The following DCC variants were observed in gnomAD, a reference collection of about 807,000 sequenced individuals.
DCC encodes the protein netrin receptor DCC.
In DCC, 58 loss-of-function variants were observed where a neutral mutation model predicts 172.5. That is an observed-to-expected ratio of 0.34 (90% CI 0.27 to 0.42). The LOEUF is 0.42. Among genes scored for constraint, DCC ranks in the 10% least tolerant of loss-of-function variants. The pLI is 1.00. For synonymous variants in DCC, 709 were observed against 644.5 expected, an observed-to-expected ratio of 1.10 and a Z score of -1.52; for missense variants, 1,740 against 1,791.0, an observed-to-expected ratio of 0.97 and a Z score of 0.51.
chr18:53,279,314 G>A (rs1312945100), intron 12 of DCC, among the ~76,000 whole-genome samples: 1 of 151,738 alleles, frequency 6.6e-6, no homozygotes, highest in East Asian at 1.9e-4. Context: ...ATACTATGCA[G>A]CCATAAAAAA....
intron 2 of DCC, among the ~76,000 whole-genome samples, chr18:52,843,285 T>C (rs1262051049): frequency 6.6e-6 from 1 of 152,140 alleles, no homozygotes; most frequent in Non-Finnish European, 1.5e-5. Context: ...GCTTTAAGGG[T>C]ATATGAATAA....
At chr18:52,908,003 T>C (rs1234075559) in intron 3 of DCC, among the ~76,000 whole-genome samples, 2 of 152,326 alleles carry the variant, frequency 1.3e-5, no homozygotes, top group Non-Finnish European at 1.5e-5. Context: ...TAATGCCTAC[T>C]TTCTCTTTTA....
intron 26 of DCC, among the ~76,000 whole-genome samples, chr18:53,498,613 TAGGCACTCAC>T (rs1366432470): frequency 6.7e-6 from 1 of 149,206 alleles, no homozygotes; most frequent in Non-Finnish European, 1.5e-5. Flanking sequence ...CAAATGCCCA[TAGGCACTCAC>T]AGTAACCGTG....
In DCC at chr18:53,158,988, C is replaced by CAAAAAAAAAAAAAAAAAAAAA. The variant is rs558049091; in HGVS notation, c.1418+1493_1418+1494insAAAAAAAAAAAAAAAAAAAAA. 3.2e-4 allele frequency among the ~76,000 whole-genome samples: 17 copies of CAAAAAAAAAAAAAAAAAAAAA among 52,364 alleles called. 1 individual carries two copies. The highest frequency in any genetic ancestry group is 1.3e-3 in the South Asian group (1 of 780). The allele number at this position is 52,364 out of a possible 152,430, so 34.4% of individuals were successfully genotyped here. ...AGCCTGGGCAACAGAGACGCCATCT[C>CAAAAAAAAAAAAAAAAAAAAA]AAAAAAAAAAAAAAAAAGAAGAAGA... On this transcript the variant is annotated intron_variant, in intron 8 of 28. Transcript: ENST00000442544.
chr18:53,131,451 T>C (rs1315567659), intron 7 of DCC, among the ~76,000 whole-genome samples: 1 of 152,100 alleles, frequency 6.6e-6, no homozygotes, highest in Non-Finnish European at 1.5e-5. Flanking sequence ...ATTAAGCATA[T>C]TGGAAACAAG....
rs188207829 is a variant in DCC at position 52,537,665 on chromosome 18, C to T, written c.91+196787C>T. On this transcript the variant is annotated intron_variant, in intron 1 of 28. Coordinates refer to ENST00000442544, the MANE Select transcript of DCC (RefSeq NM_005215.4). ...AAGCAGAAAAAAAAGAAAACAATGA[C>T]GACGAATGAAAGGAAATAACACAAA... Among the ~76,000 whole-genome samples the T allele has an allele frequency of 5.9e-5, 9 of 152,122 alleles. No individual in the cohort carries two copies. The South Asian group carries it at 8.3e-4, about 14-fold the overall frequency.
intron 1 of DCC, among the ~76,000 whole-genome samples, chr18:52,613,917 G>A (rs1418981340): frequency 6.6e-6 from 1 of 152,160 alleles, no homozygotes; most frequent in Non-Finnish European, 1.5e-5. Flanking sequence ...GGAAACACTA[G>A]AAAAGAATTA....
Position 52,431,567 on chromosome 18 carries a change from G to A in DCC, c.91+90689G>A, listed in dbSNP as rs187221433. On this transcript the variant is annotated intron_variant, in intron 1 of 28. Transcript: ENST00000442544. Reference sequence around the variant, plus strand: ...GAAGAAAAAGAAAAAAGTATTGTTCGTCTTAAAGGTAAATAATATGTTGTG... The same window carrying A: ...GAAGAAAAAGAAAAAAGTATTGTTCATCTTAAAGGTAAATAATATGTTGTG... Among the ~76,000 whole-genome samples, 40 of 152,222 alleles carry A rather than the reference G, an allele frequency of 2.6e-4. 1 individual carries two copies. The East Asian group carries it at 4.8e-3, about 18-fold the overall frequency.
intron 5 of DCC, among the ~76,000 whole-genome samples, chr18:53,030,744 G>A (rs2042015535): frequency 6.6e-6 from 1 of 152,162 alleles, no homozygotes; most frequent in African/African-American, 2.4e-5. Flanking sequence ...TTAGAACGGA[G>A]CACAGTGTTA....
chr18:53,523,494 AC>A (rs1379895350), intron 27 of DCC, among the ~76,000 whole-genome samples: 4 of 152,192 alleles, frequency 2.6e-5, no homozygotes, highest in African/African-American at 9.6e-5. Flanking sequence ...AATAGCAAAG[AC>A]TTGGAACCAA....
In DCC at chr18:52,955,393, T is replaced by G. The variant is rs111952581; in HGVS notation, c.985+30023T>G. Among the ~76,000 whole-genome samples, 1,080 of 152,044 alleles carry G rather than the reference T, an allele frequency of 7.1e-3. 13 individuals are homozygous for G. Among genetic ancestry groups the G allele is most frequent in the African/African-American group, 0.023 (952 of 41,500 alleles). On this transcript the variant is annotated intron_variant, in intron 5 of 28. Coordinates refer to ENST00000442544, the MANE Select transcript of DCC (RefSeq NM_005215.4). ...ATGAGTTTAGTAGACCTTTTTTTTT[T>G]GGCACCAAATAATATTCCACTGTCA...
intron 12 of DCC, among the ~76,000 whole-genome samples, chr18:53,251,845 T>G (rs2339638): frequency 0.038 from 5,703 of 151,980 alleles, 165 homozygotes; most frequent in East Asian, 0.13. Flanking sequence ...ATTAGGTGAA[T>G]AAATGCATCC....
chr18:52,541,076 T>G (rs1256116926), intron 1 of DCC, among the ~76,000 whole-genome samples: 2 of 152,152 alleles, frequency 1.3e-5, no homozygotes, highest in East Asian at 1.9e-4. Flanking sequence ...TCCGGTAAGC[T>G]AAGTAAAACA....
At chr18:53,105,706 C>G (rs2043235270) in intron 7 of DCC, among the ~76,000 whole-genome samples, 1 of 151,834 alleles carries the variant, frequency 6.6e-6, no homozygotes, top group Non-Finnish European at 1.5e-5. Flanking sequence ...GCTGTCCCCT[C>G]CCACGTGCAT....
At chr18:52,996,753 T>A (rs1488787527) in intron 5 of DCC, among the ~76,000 whole-genome samples, 1 of 149,158 alleles carries the variant, frequency 6.7e-6, no homozygotes, top group East Asian at 2.0e-4. Context: ...ATTTCTCTTC[T>A]CAAACACATC....
At chr18:53,097,204 A>G (rs1427378412) in intron 7 of DCC, among the ~76,000 whole-genome samples, 2 of 152,178 alleles carry the variant, frequency 1.3e-5, no homozygotes, top group Non-Finnish European at 2.9e-5. Context: ...ACATTCATAT[A>G]TCTTCTGTTT....
At position 53,312,808 on chromosome 18, in the gene DCC, C is replaced by CAAAAA. The variant is rs551648972; in HGVS notation, c.2053+7102_2053+7106dup. On this transcript the variant is annotated intron_variant, in intron 13 of 28. Transcript: ENST00000442544. ...TGGGCGACAGAGCAAGACACTGTCT[C>CAAAAA]AAAAAAAAAAAAAAAAAGCTTTTAA... 4.0e-3 allele frequency among the ~76,000 whole-genome samples: 247 copies of CAAAAA among 61,822 alleles called. 19 individuals carry two copies. Among genetic ancestry groups the CAAAAA allele is most frequent in the African/African-American group, 0.018 (217 of 12,068 alleles). The allele number at this position is 61,822 out of a possible 152,430, so 40.6% of individuals were successfully genotyped here.
chr18:53,027,477 T>A (rs1445052862), intron 5 of DCC, among the ~76,000 whole-genome samples: 1 of 152,118 alleles, frequency 6.6e-6, no homozygotes, highest in Non-Finnish European at 1.5e-5. Context: ...TGAAATTGTG[T>A]ATAACTATGA....
intron 15 of DCC, among the ~76,000 whole-genome samples, chr18:53,367,893 A>G (rs751966821): frequency 6.6e-6 from 1 of 152,188 alleles, no homozygotes; most frequent in Non-Finnish European, 1.5e-5. Context: ...ATAATATTTC[A>G]TTGTATATTG....
Sources: gnomAD v4.1 joint callset for allele counts (sites outside exome capture counted in the v4.1 genomes callset) on GRCh38, gnomAD v4.1.1 for gene constraint, MANE v1.5 for transcripts, NCBI Gene and HGNC (gene_info 2026-07-23, HGNC 2026-07-21) for gene names.